MYO18A: variants seen among roughly 807,000 people sequenced by gnomAD.
The protein encoded by MYO18A is myosin XVIIIA.
A neutral mutation model predicts 235.8 loss-of-function variants in MYO18A; 78 were observed. The ratio of observed to expected loss-of-function variants is 0.33; its 90% CI spans 0.28 to 0.40. MYO18A has a LOEUF of 0.40. Ranked by LOEUF, MYO18A falls within the 10% of genes least tolerant of loss-of-function variation. The pLI, the probability that MYO18A is intolerant of heterozygous loss-of-function variation, is 1.00. For synonymous variants in MYO18A, 977 were observed against 1,077.8 expected (o/e 0.91, Z 1.83); for missense variants, 2,215 against 2,699.3 (o/e 0.82, Z 3.98).
At chr17:29,129,450 G>C (rs1033030810) in intron 2 of MYO18A, among the ~76,000 whole-genome samples, 3 of 152,200 alleles carry the variant, frequency 2.0e-5, no homozygotes, top group African/African-American at 7.2e-5. Flanking sequence ...GGTGCTAACT[G>C]TCTGGGTCCC....
At position 29,106,524 on chromosome 17, in the gene MYO18A, C is replaced by T. The variant is rs2066788946; in HGVS notation, c.3441+556G>A. Among the ~76,000 whole-genome samples, 2 of 152,204 alleles carry T rather than the reference C, an allele frequency of 1.3e-5. No individual in the cohort carries two copies. Among genetic ancestry groups the T allele is most frequent in the Non-Finnish European group, 2.9e-5 (2 of 68,034 alleles). On this transcript the variant is annotated intron_variant, in intron 20 of 41. Coordinates refer to ENST00000527372, the MANE Select transcript of MYO18A (RefSeq NM_078471.4). The surrounding 1 kb of genome is among the most constrained non-coding windows in gnomAD (Gnocchi z 4.6). ...AGCACAGTAAAGGAGGGGTCCTCTG[C>T]TCTGGGAGCCCTGTGACTGTCTAAG... is the stretch of plus-strand genomic sequence containing the variant.
At chr17:29,105,982 G>A (rs1305220976) in intron 20 of MYO18A, among the ~76,000 whole-genome samples, 1 of 152,098 alleles carries the variant, frequency 6.6e-6, no homozygotes. Flanking sequence ...GAGGGAGGCC[G>A]AGTGACTGCA....
chr17:29,155,898 C>T (rs913049721), intron 2 of MYO18A, among the ~76,000 whole-genome samples: 2 of 152,238 alleles, frequency 1.3e-5, no homozygotes, highest in African/African-American at 4.8e-5. Context: ...CCAGGTTCCC[C>T]ATGACCTGGC....
chr17:29,098,192 C>T lies in MYO18A; in HGVS notation c.3903G>A (p.Glu1301=), dbSNP rs764834069. The T allele has an allele frequency of 6.2e-7, 1 of 1,613,998 alleles. No individual in the cohort carries two copies. Among genetic ancestry groups the T allele is most frequent in the Non-Finnish European group, 8.5e-7 (1 of 1,179,874 alleles). ...ISELTSELTD[E]RNTGESASQL... ...GGGAGGCGGACTCTCCTGTGTTACG[C>T]TCATCTGTCAGCTCCGATGTCAGCT... Residue 1301 remains glutamate, a synonymous_variant, in exon 25 of 42, where the codon GAG becomes GAA. Coordinates refer to ENST00000527372, the MANE Select transcript of MYO18A (RefSeq NM_078471.4).
intron 1 of MYO18A, among the ~76,000 whole-genome samples, chr17:29,172,815 T>G (rs921712683): frequency 1.3e-5 from 2 of 152,194 alleles, no homozygotes; most frequent in African/African-American, 4.8e-5. Flanking sequence ...CACACTGGCT[T>G]GAGTCCAGAG....
chr17:29,092,833 G>A, intron 33 of MYO18A, 22 bp downstream of exon 33: 4 of 1,613,086 alleles, frequency 2.5e-6, no homozygotes, highest in Non-Finnish European at 2.5e-6. Context: ...GCCTGGATCA[G>A]CCGTGTGCTC....
At chr17:29,116,510 A>G in intron 10 of MYO18A, 55 bp from the exon 11 acceptor site, 2 of 1,612,802 alleles carry the variant, frequency 1.2e-6, no homozygotes, top group Non-Finnish European at 1.7e-6. Flanking sequence ...GTGTTAGCAA[A>G]CAGTCATCAA....
intron 2 of MYO18A, among the ~76,000 whole-genome samples, chr17:29,165,074 C>G (rs1299633317): frequency 6.6e-6 from 1 of 152,206 alleles, no homozygotes; most frequent in Non-Finnish European, 1.5e-5. Flanking sequence ...CCAACTGTGA[C>G]TTACAAGGTC....
intron 1 of MYO18A, among the ~76,000 whole-genome samples, chr17:29,175,951 C>T (rs1210658758): frequency 6.6e-6 from 1 of 151,950 alleles, no homozygotes; most frequent in Non-Finnish European, 1.5e-5. Context: ...CCCAGCTGCT[C>T]GGGAGGCTGA....
rs915510884 is a variant in MYO18A at position 29,073,759 on chromosome 17, A to G, written c.*1011T>C. The stretch of plus-strand genomic sequence containing the variant: ...AAGTGTGTGGGGGCAGGGAGGTTGG[A>G]AGAATGACACGGGCTCAGGACACAG... On this transcript the variant is annotated 3_prime_UTR_variant, in exon 42 of 42. Transcript: ENST00000527372. The G allele has an allele frequency of 7.6e-7, 1 of 1,317,316 alleles. No individual in the cohort carries two copies. The highest frequency in any genetic ancestry group is 1.5e-5 in the African/African-American group (1 of 68,260). The allele number at this position is 1,317,316 out of a possible 1,614,324, so 81.6% of individuals were successfully genotyped here. A position where few individuals can be genotyped will look rare whatever the true frequency, so the allele number is the denominator to read the frequency against.
At position 29,109,057 on chromosome 17, in the gene MYO18A, A is replaced by T. The variant is rs1255900526; in HGVS notation, c.3331+801T>A. Among the ~76,000 whole-genome samples, 1 of 152,090 alleles carries T rather than the reference A, an allele frequency of 6.6e-6. No homozygotes were observed. The stretch of plus-strand genomic sequence containing the variant: ...GTTTTAGTGCCCATGGGAATGCCTG[A>T]AGGGGACCTGGCTGTGGGTGGGTGG... On this transcript the variant is annotated intron_variant, in intron 19 of 41. Transcript: ENST00000527372. The surrounding 1 kb of genome is among the most constrained non-coding windows in gnomAD (Gnocchi z 4.1).
At chr17:29,114,445 A>G (rs978229875) in intron 14 of MYO18A, among the ~76,000 whole-genome samples, 1 of 152,204 alleles carries the variant, frequency 6.6e-6, no homozygotes. Context: ...TCTCGCCCCA[A>G]ATAAATATCC....
Position 29,089,806 on chromosome 17 carries a change from G to A in MYO18A, c.5526+155C>T, listed in dbSNP as rs557968492. Among the ~76,000 whole-genome samples the A allele has an allele frequency of 2.2e-4, 33 of 152,336 alleles. No individual in the cohort carries two copies. In the South Asian group the frequency reaches 2.5e-3, roughly 11 times the overall value. On this transcript the variant is annotated intron_variant, in intron 37 of 41. Coordinates refer to ENST00000527372, the MANE Select transcript of MYO18A (RefSeq NM_078471.4). ...AGCCAGAGAGCAGGCCAGGCAGGGCGGGAGAGAAGCACCTGCCCGTCAGCT... is the reference window on the plus strand; with the variant it reads ...AGCCAGAGAGCAGGCCAGGCAGGGCAGGAGAGAAGCACCTGCCCGTCAGCT...
intron 41 of MYO18A, chr17:29,079,603 C>G (rs905301579): frequency 6.0e-6 from 4 of 662,882 alleles, no homozygotes; most frequent in African/African-American, 3.9e-5. Context: ...GGAGGCTCTC[C>G]GAGGCCAGGC....
intron 2 of MYO18A, among the ~76,000 whole-genome samples, chr17:29,150,167 G>A (rs1211355304): frequency 6.6e-6 from 1 of 152,204 alleles, no homozygotes; most frequent in East Asian, 1.9e-4. Flanking sequence ...ATAAATATTT[G>A]AGAATCTGTG....
chr17:29,127,961 C>T (rs1027484774), intron 2 of MYO18A: 8 of 1,003,836 alleles, frequency 8.0e-6, no homozygotes, highest in East Asian at 1.1e-4. Context: ...GGCTGGGGAG[C>T]GCTGCTTCTT....
At chr17:29,156,531 C>T (rs1360319399) in intron 2 of MYO18A, among the ~76,000 whole-genome samples, 1 of 152,180 alleles carries the variant, frequency 6.6e-6, no homozygotes, top group East Asian at 1.9e-4. Flanking sequence ...AGACAAGTCA[C>T]CAAGGTCAGT....
chr17:29,090,402 C>G lies in MYO18A; in HGVS notation c.5388+130G>C, dbSNP rs539789076. On this transcript the variant is annotated intron_variant, in intron 36 of 41. Transcript: ENST00000527372. ...CATGGCTCCAAGCCTAGCTCTTGCT[C>G]CTCATTTACGCTGCTCTGTGGATTA... 1.7e-5 allele frequency: 14 copies of G among 818,434 alleles called. No homozygotes were observed. In the South Asian group the frequency reaches 2.1e-4, roughly 12 times the overall value. 50.7% of individuals were successfully genotyped at this position (818,434 alleles called of 1,614,324 possible).
At position 29,106,566 on chromosome 17, in the gene MYO18A, T is replaced by A. The variant is rs1451139152; in HGVS notation, c.3441+514A>T. Among the ~76,000 whole-genome samples, 1 of 152,148 alleles carries A rather than the reference T, an allele frequency of 6.6e-6. No individual in the cohort carries two copies. The highest frequency in any genetic ancestry group is 1.5e-5 in the Non-Finnish European group (1 of 68,012). On this transcript the variant is annotated intron_variant, in intron 20 of 41. Transcript: ENST00000527372. This position sits in a 1 kb window ranked among gnomAD's most constrained non-coding sequence, Gnocchi z 4.6. The stretch of plus-strand genomic sequence containing the variant: ...CTGTCTAAGGGGCTGCCTCTGGGGC[T>A]CAAGGTGATAGCCCAGACGGGCAGG...
Sources: allele counts gnomAD v4.1 joint callset (sites outside exome capture counted in the v4.1 genomes callset), GRCh38; gene constraint gnomAD v4.1.1; non-coding constraint Gnocchi (gnomAD v3.1); transcripts MANE v1.5; gene names NCBI Gene and HGNC (gene_info 2026-07-23, HGNC 2026-07-21).